POLR1D: variants seen among roughly 807,000 people sequenced by gnomAD.
POLR1D encodes RNA polymerase I and III subunit D.
A neutral mutation model predicts 10.8 loss-of-function variants in POLR1D; 8 were observed. The observed-to-expected ratio is 0.74, with a 90% CI of 0.43 to 1.33. The LOEUF (loss-of-function observed/expected upper bound fraction) is 1.33, where lower values mean the gene tolerates loss of function less well. POLR1D is among the 40% of genes most tolerant of loss of function. The pLI, the probability that POLR1D is intolerant of heterozygous loss-of-function variation, is 0.01. For synonymous variants in POLR1D, 54 were observed against 57.2 expected, an observed-to-expected ratio of 0.94 and a Z score of 0.25; for missense variants, 152 against 161.7, an observed-to-expected ratio of 0.94 and a Z score of 0.32.
intron 1 of POLR1D, among the ~76,000 whole-genome samples, chr13:27,645,171 T>C (rs1956207492): frequency 6.6e-6 from 1 of 152,234 alleles, no homozygotes; most frequent in Non-Finnish European, 1.5e-5. Flanking sequence ...TAGTGATCAG[T>C]CCTCCTTCAT....
At chr13:27,624,150 C>G (rs1010040683), downstream of POLR1D, among the ~76,000 whole-genome samples, 3 of 152,156 alleles carry the variant, frequency 2.0e-5, no homozygotes, top group Admixed American at 6.5e-5. Context: ...TCTTCCTGGG[C>G]CAGTCTTACT....
At chr13:27,643,279 G>A (rs1404247529) in intron 1 of POLR1D, among the ~76,000 whole-genome samples, 1 of 152,166 alleles carries the variant, frequency 6.6e-6, no homozygotes, top group Admixed American at 6.5e-5. Flanking sequence ...TTATGTCTGT[G>A]AATAAGTCTT....
intron 1 of POLR1D, among the ~76,000 whole-genome samples, chr13:27,634,548 G>A (rs1227550946): frequency 6.6e-6 from 1 of 152,130 alleles, no homozygotes; most frequent in Non-Finnish European, 1.5e-5. Context: ...CTCCTTCAAG[G>A]TAGATAGTGT....
At chr13:27,649,896 T>C in intron 2 of POLR1D, 1 of 394,390 alleles carries the variant, frequency 2.5e-6, no homozygotes, top group South Asian at 1.4e-4. Flanking sequence ...ACTGCAAAAT[T>C]AGAGGTCACA....
At chr13:27,631,948 G>C (rs1199805593) in intron 1 of POLR1D, among the ~76,000 whole-genome samples, 1 of 152,160 alleles carries the variant, frequency 6.6e-6, no homozygotes, top group African/African-American at 2.4e-5. Flanking sequence ...AAAAATTATT[G>C]AGTGGGACAA....
At chr13:27,630,611 C>T (rs1956063828) in intron 1 of POLR1D, among the ~76,000 whole-genome samples, 1 of 152,174 alleles carries the variant, frequency 6.6e-6, no homozygotes. Flanking sequence ...GTGATGTAAC[C>T]TTTCTGAGCC....
intron 1 of POLR1D, among the ~76,000 whole-genome samples, chr13:27,641,538 C>A (rs1308766829): frequency 6.6e-6 from 1 of 152,034 alleles, no homozygotes; most frequent in Non-Finnish European, 1.5e-5. Context: ...AATATTCAGC[C>A]ATTTCAAAAA....
downstream of POLR1D, among the ~76,000 whole-genome samples, chr13:27,626,205 G>A (rs1225474244): frequency 6.6e-6 from 1 of 152,178 alleles, no homozygotes; most frequent in Non-Finnish European, 1.5e-5. Flanking sequence ...TTACTTACCT[G>A]GAGTTTAATT....
rs561229835 is a variant in POLR1D, at chr13:27,629,964, T to C, written c.26+7955T>C. ...TCTCACTCTGTTGCCCAGGCTGGAG[T>C]GCAGTGGCGCGATCTTGGCTCACTG... On this transcript the variant is annotated intron_variant, in intron 1 of 2. Transcript: ENST00000399697. Among the ~76,000 whole-genome samples the C allele has an allele frequency of 2.8e-3, 419 of 152,240 alleles. 1 individual carries two copies. Among genetic ancestry groups the C allele is most frequent in the Non-Finnish European group, 5.2e-3 (354 of 68,018 alleles).
intron 1 of POLR1D, among the ~76,000 whole-genome samples, chr13:27,635,687 A>G (rs2138538144): frequency 8.0e-6 from 1 of 125,712 alleles, no homozygotes; most frequent in South Asian, 2.9e-4. Flanking sequence ...CTCTATAGTT[A>G]CAAAGTAACT....
At chr13:27,659,906 G>GTATATATATATATATATA (rs142807905) in intron 2 of POLR1D, among the ~76,000 whole-genome samples, 10 of 145,100 alleles carry the variant, frequency 6.9e-5, no homozygotes, top group African/African-American at 2.6e-4. Flanking sequence ...TATCTCAGGT[G>GTATATATATATATATATA]TATATATATA....
At chr13:27,630,978 C>T (rs1436667475) in intron 1 of POLR1D, among the ~76,000 whole-genome samples, 1 of 152,224 alleles carries the variant, frequency 6.6e-6, no homozygotes. Context: ...GGCCTTGGCA[C>T]TTGCCCTTTA....
At chr13:27,637,641 TTAAC>T (rs776529643) in intron 1 of POLR1D, among the ~76,000 whole-genome samples, 6 of 152,222 alleles carry the variant, frequency 3.9e-5, no homozygotes, top group East Asian at 1.9e-4. Flanking sequence ...TGTATATATA[TTAAC>T]TAAGTTTTTA....
At chr13:27,632,019 C>T (rs1480861173) in intron 1 of POLR1D, among the ~76,000 whole-genome samples, 1 of 152,138 alleles carries the variant, frequency 6.6e-6, no homozygotes, top group African/African-American at 2.4e-5. Context: ...CAGGAGTAAG[C>T]ATCATAGAGA....
chr13:27,644,252 A>G (rs1956200051), intron 1 of POLR1D, among the ~76,000 whole-genome samples: 1 of 152,162 alleles, frequency 6.6e-6, no homozygotes, highest in Admixed American at 6.5e-5. Flanking sequence ...AGTTGCCTTC[A>G]ATTTCTTGCT....
chr13:27,631,189 C>T (rs1381474076), intron 1 of POLR1D, among the ~76,000 whole-genome samples: 1 of 152,190 alleles, frequency 6.6e-6, no homozygotes, highest in African/African-American at 2.4e-5. Context: ...GTGATTTTGA[C>T]TCAGGGTCTC....
At chr13:27,632,973 T>A (rs1956088557) in intron 1 of POLR1D, among the ~76,000 whole-genome samples, 1 of 152,186 alleles carries the variant, frequency 6.6e-6, no homozygotes, top group South Asian at 2.1e-4. Flanking sequence ...AAATAACTAT[T>A]CTATAAGCTT....
intron 1 of POLR1D, among the ~76,000 whole-genome samples, chr13:27,637,048 A>G (rs1393582796): frequency 6.6e-6 from 1 of 152,214 alleles, no homozygotes; most frequent in Non-Finnish European, 1.5e-5. Flanking sequence ...CATATAATTT[A>G]TAAGTCTCTG....
At chr13:27,645,768 T>G (rs1956214532) in intron 1 of POLR1D, among the ~76,000 whole-genome samples, 1 of 152,188 alleles carries the variant, frequency 6.6e-6, no homozygotes, top group Non-Finnish European at 1.5e-5. Context: ...TTGGTGAATT[T>G]GTTTCACCGC....
Sources: allele counts gnomAD v4.1 joint callset (sites outside exome capture counted in the v4.1 genomes callset), GRCh38; gene constraint gnomAD v4.1.1; transcripts MANE v1.5; gene names NCBI Gene and HGNC (gene_info 2026-07-23, HGNC 2026-07-21).